Variants in C12orf42 observed in about 807,000 individuals in gnomAD.
C12orf42 encodes uncharacterized protein C12orf42.
A neutral mutation model predicts 21.6 loss-of-function variants in C12orf42; 25 were observed. That is an observed-to-expected ratio of 1.16 (90% CI 0.84 to 1.62). The LOEUF (loss-of-function observed/expected upper bound fraction) is 1.62, where lower values mean the gene tolerates loss of function less well. C12orf42 is among the 40% of genes most tolerant of loss of function. The probability of loss-of-function intolerance (pLI) is 0.00; values close to 1 mark genes in which losing one functional copy is unlikely to be tolerated. For synonymous variants in C12orf42, 174 were observed against 175.0 expected, an observed-to-expected ratio of 0.99 and a Z score of 0.05; for missense variants, 483 against 459.3, an observed-to-expected ratio of 1.05 and a Z score of -0.47.
At chr12:103,111,113 T>C in the C12orf42 span, among the ~76,000 whole-genome samples, 1 of 152,230 alleles carries the variant, frequency 6.6e-6, no homozygotes, top group Non-Finnish European at 1.5e-5. Context: ...ATTTATTTAT[T>C]CTTTCTATTA....
chr12:103,563,356 G>A, the C12orf42 span, among the ~76,000 whole-genome samples: 1 of 152,164 alleles, frequency 6.6e-6, no homozygotes, highest in African/African-American at 2.4e-5. Flanking sequence ...ACAAGATCTA[G>A]AATTGTTTTG....
intron 2 of C12orf42, among the ~76,000 whole-genome samples, chr12:103,473,138 T>C (rs1953758480): frequency 6.6e-6 from 1 of 152,232 alleles, no homozygotes. Context: ...TTAGAAATAA[T>C]AATTACAATG....
intron 4 of C12orf42, among the ~76,000 whole-genome samples, chr12:103,308,497 T>C (rs1028860610): frequency 6.6e-6 from 1 of 152,222 alleles, no homozygotes; most frequent in Non-Finnish European, 1.5e-5. Flanking sequence ...TAGCATTCCT[T>C]ACCATTTATT....
At chr12:103,146,174 G>C in the C12orf42 span, among the ~76,000 whole-genome samples, 1 of 151,716 alleles carries the variant, frequency 6.6e-6, no homozygotes, top group Non-Finnish European at 1.5e-5. Context: ...TTATTTATAA[G>C]GTTTTTTACA....
chr12:103,165,772 T>C, the C12orf42 span, among the ~76,000 whole-genome samples: 1 of 151,812 alleles, frequency 6.6e-6, no homozygotes, highest in African/African-American at 2.4e-5. Context: ...CCGGGCGCGG[T>C]GGCTCACGCC....
At chr12:103,169,285 A>G in the C12orf42 span, among the ~76,000 whole-genome samples, 1 of 152,080 alleles carries the variant, frequency 6.6e-6, no homozygotes, top group Non-Finnish European at 1.5e-5. Flanking sequence ...TGCCCTATGT[A>G]AATCAGACAC....
chr12:103,094,838 A>C, the C12orf42 span, among the ~76,000 whole-genome samples: 1 of 152,316 alleles, frequency 6.6e-6, no homozygotes, highest in South Asian at 2.1e-4. Context: ...TGTGTTCTGA[A>C]GTAATCATCT....
chr12:103,269,469 A>G (rs1183231486), intron 6 of C12orf42, among the ~76,000 whole-genome samples: 1 of 152,260 alleles, frequency 6.6e-6, no homozygotes, highest in East Asian at 1.9e-4. Context: ...TGATCATAAT[A>G]ATGGTTTTTG....
the C12orf42 span, among the ~76,000 whole-genome samples, chr12:103,102,316 G>A: frequency 1.3e-5 from 2 of 152,146 alleles, no homozygotes; most frequent in African/African-American, 2.4e-5. Flanking sequence ...GACATTCCAT[G>A]TTGACATTTA....
At chr12:103,227,687 G>C in the C12orf42 span, among the ~76,000 whole-genome samples, 1 of 152,152 alleles carries the variant, frequency 6.6e-6, no homozygotes, top group African/African-American at 2.4e-5. Context: ...GACCAAGGCA[G>C]GCATCCCTGT....
intron 4 of C12orf42, among the ~76,000 whole-genome samples, chr12:103,337,912 C>T (rs754832489): frequency 6.6e-6 from 1 of 152,138 alleles, no homozygotes; most frequent in Non-Finnish European, 1.5e-5. Flanking sequence ...CAAGTCTCTA[C>T]CTGACCTCAT....
the C12orf42 span, among the ~76,000 whole-genome samples, chr12:103,121,735 A>T: frequency 6.6e-6 from 1 of 152,188 alleles, no homozygotes. Context: ...GCTACTCCCA[A>T]GGGTTTGAAA....
At chr12:103,152,777 C>T in the C12orf42 span, among the ~76,000 whole-genome samples, 1 of 146,554 alleles carries the variant, frequency 6.8e-6, no homozygotes, top group African/African-American at 2.6e-5. Context: ...CATGAAAAAG[C>T]AGACACATGT....
intron 2 of C12orf42, among the ~76,000 whole-genome samples, chr12:103,425,240 G>T (rs1358764910): frequency 6.6e-6 from 1 of 152,178 alleles, no homozygotes; most frequent in East Asian, 1.9e-4. Context: ...CCTAGGGGAA[G>T]GGGTGGCTGT....
chr12:103,324,013 T>C (rs570891361), intron 4 of C12orf42, among the ~76,000 whole-genome samples: 3 of 152,344 alleles, frequency 2.0e-5, no homozygotes, highest in Admixed American at 6.5e-5. Flanking sequence ...ACACTGATTT[T>C]CCCACATCCT....
intron 3 of C12orf42, among the ~76,000 whole-genome samples, chr12:103,387,544 G>T (rs894779402): frequency 3.3e-5 from 5 of 152,324 alleles, no homozygotes; most frequent in African/African-American, 1.2e-4. Flanking sequence ...AAGGGGAAGA[G>T]GAGTGGGTTG....
At chr12:103,351,680 C>T (rs2043111509) in intron 4 of C12orf42, among the ~76,000 whole-genome samples, 1 of 152,050 alleles carries the variant, frequency 6.6e-6, no homozygotes, top group African/African-American at 2.4e-5. Context: ...CATATGCACA[C>T]AGCCTGGCGA....
At chr12:103,210,639 C>CTTTTTTTTTTTTT in the C12orf42 span, among the ~76,000 whole-genome samples, 207 of 77,360 alleles carry the variant, frequency 2.7e-3, 1 homozygote, top group East Asian at 3.9e-3. Flanking sequence ...CCCTCTATTT[C>CTTTTTTTTTTTTT]TTTTTTTTTT....
chr12:103,466,661 T>C (rs1250109798), intron 2 of C12orf42, among the ~76,000 whole-genome samples: 1 of 152,188 alleles, frequency 6.6e-6, no homozygotes, highest in African/African-American at 2.4e-5. Flanking sequence ...CCCCATGTGG[T>C]ACACTGATTG....
Sources: gnomAD v4.1 joint callset for allele counts (sites outside exome capture counted in the v4.1 genomes callset) on GRCh38, gnomAD v4.1.1 for gene constraint, MANE v1.5 for transcripts, NCBI Gene and HGNC (gene_info 2026-07-23, HGNC 2026-07-21) for gene names.